The following TMCC2 variants were observed in gnomAD, a reference collection of about 807,000 sequenced individuals.
The protein encoded by TMCC2 is transmembrane and coiled-coil domains protein 2.
TMCC2 carries 16 observed loss-of-function variants against 49.4 expected under a neutral mutation model. That is an observed-to-expected ratio of 0.32 (90% confidence interval 0.22 to 0.49). The LOEUF (loss-of-function observed/expected upper bound fraction) is 0.49, where lower values mean the gene tolerates loss of function less well. TMCC2 is among the 20% of genes least tolerant of loss of function. TMCC2 has a pLI of 0.99. For synonymous variants in TMCC2, 397 were observed against 434.1 expected (o/e 0.91, Z 1.06); for missense variants, 762 against 989.8 (o/e 0.77, Z 3.09).
Position 205,269,690 on chromosome 1 carries a change from G to T in TMCC2, c.1488G>T (p.Gly496=). The T allele has an allele frequency of 6.2e-7, 1 of 1,614,082 alleles. No homozygotes were observed. Among genetic ancestry groups the T allele is most frequent in the Non-Finnish European group, 8.5e-7 (1 of 1,179,982 alleles). ...SAGAGSNSGA[G]PGGALGSPKS... is the part of the protein sequence containing the mutation. ...GGGCAGGCAGCAACTCTGGGGCTGG[G>T]CCTGGTGGGGCGCTGGGGAGCCCTA... The change falls in exon 3 of 5, where the codon GGG becomes GGT. Residue 496 remains glycine (G), a synonymous_variant. Coordinates refer to ENST00000358024, the MANE Select transcript of TMCC2 (RefSeq NM_014858.4).
intron 2 of TMCC2, among the ~76,000 whole-genome samples, chr1:205,266,172 C>T (rs1177277909): frequency 6.3e-5 from 9 of 143,988 alleles, no homozygotes; most frequent in Middle Eastern, 3.5e-3. Context: ...ACCCCGGAGG[C>T]GGAGCTTGCA....
chr1:205,241,755 A>G lies in TMCC2; in HGVS notation c.458A>G (p.Gln153Arg). ...ARPTAFNRVL[Q>R]QIRSRPSIKR... ...CCCACCGCCTTCAACCGCGTGCTGC[A>G]GCAGATCCGCTCCCGGCCCTCCATC... Residue 153 changes from glutamine (Q) to arginine (R), a missense_variant, in exon 2 of 5, where the codon CAG becomes CGG. This residue lies in a region of TMCC2 where 322 missense variants were observed against 353.1 expected (regional missense o/e 0.91). Transcript: ENST00000358024. The surrounding 1 kb of genome is among the most constrained non-coding windows in gnomAD (Gnocchi z 7.3). 6.2e-7 allele frequency: 1 copy of G among 1,612,532 alleles called. No homozygotes were observed. Among genetic ancestry groups the G allele is most frequent in the Non-Finnish European group, 8.5e-7 (1 of 1,179,884 alleles).
At chr1:205,266,372 C>T (rs1661331662) in intron 2 of TMCC2, among the ~76,000 whole-genome samples, 1 of 151,864 alleles carries the variant, frequency 6.6e-6, no homozygotes, top group Non-Finnish European at 1.5e-5. Context: ...GGGTGGATCC[C>T]CTGAGATGAG....
chr1:205,256,600 G>C (rs1161906048), intron 2 of TMCC2, among the ~76,000 whole-genome samples: 1 of 152,188 alleles, frequency 6.6e-6, no homozygotes, highest in African/African-American at 2.4e-5. Flanking sequence ...CTTCCTCCAG[G>C]TGGTTATTGG....
At chr1:205,239,972 GAAA>G (rs1026945243) in intron 1 of TMCC2, among the ~76,000 whole-genome samples, 1 of 143,364 alleles carries the variant, frequency 7.0e-6, no homozygotes, top group East Asian at 2.0e-4. Context: ...TGTTTCTAGG[GAAA>G]AAAAAAAAGA....
In TMCC2 at chr1:205,271,424, G is replaced by T. The variant is rs552468713; in HGVS notation, c.1818+169G>T. 27 of 1,119,986 alleles carry T rather than the reference G, an allele frequency of 2.4e-5. No homozygotes were observed. The African/African-American group carries it at 3.2e-4, about 13-fold the overall frequency. The allele number at this position is 1,119,986 out of a possible 1,614,324, so 69.4% of individuals were successfully genotyped here. On this transcript the variant is annotated intron_variant, in intron 4 of 4. Transcript: ENST00000358024. ...CAGCGTAGCGGGAGCGGAGTGGAGT[G>T]AGCAAGACAGGCCTGAGGCTGACAG... is the stretch of plus-strand genomic sequence containing the variant.
chr1:205,228,481 C>A lies in TMCC2; in HGVS notation c.-84C>A. ...CTTGTTAATAATTTAGACCCCAGGC[C>A]TCATATGAATATAAGAGGGGGTGCG... On this transcript the variant is annotated 5_prime_UTR_variant, in exon 1 of 5. Transcript: ENST00000358024. 1 of 1,204,748 alleles carries A rather than the reference C, an allele frequency of 8.3e-7. No homozygotes were observed. Among genetic ancestry groups the A allele is most frequent in the Non-Finnish European group, 1.2e-6 (1 of 855,338 alleles). 74.6% of individuals were successfully genotyped at this position (1,204,748 alleles called of 1,614,324 possible).
intron 1 of TMCC2, among the ~76,000 whole-genome samples, chr1:205,229,452 C>T (rs1370436409): frequency 1.4e-5 from 2 of 147,188 alleles, no homozygotes; most frequent in Non-Finnish European, 3.0e-5. Context: ...TTCCTAAGTG[C>T]TGGGATTACA....
At chr1:205,236,289 C>T (rs969304684) in intron 1 of TMCC2, among the ~76,000 whole-genome samples, 3 of 152,016 alleles carry the variant, frequency 2.0e-5, no homozygotes, top group Admixed American at 1.3e-4. Flanking sequence ...TCAATCTTGG[C>T]GGTTACTAAG....
chr1:205,258,423 C>CT (rs1427203879), intron 2 of TMCC2, among the ~76,000 whole-genome samples: 1 of 152,148 alleles, frequency 6.6e-6, no homozygotes, highest in Non-Finnish European at 1.5e-5. Flanking sequence ...CATTCAGTGT[C>CT]TGAGCACGTG....
chr1:205,266,297 A>G (rs551571874), intron 2 of TMCC2, among the ~76,000 whole-genome samples: 77 of 150,974 alleles, frequency 5.1e-4, no homozygotes, highest in Non-Finnish European at 8.0e-4. Flanking sequence ...TTGCCTATAA[A>G]ACATAATTTT....
Position 205,228,699 on chromosome 1 carries a change from C to A in TMCC2, c.135C>A (p.Gly45=). 6.2e-7 allele frequency: 1 copy of A among 1,612,212 alleles called. No individual in the cohort carries two copies. The highest frequency in any genetic ancestry group is 1.1e-5 in the South Asian group (1 of 91,036). The part of the protein sequence containing the change: ...PGETTGANSA[G]GPTSDAGAAA... ...AGACCACGGGTGCTAACTCTGCTGG[C>A]GGGCCAACTTCAGACGCCGGCGCTG... The change falls in exon 1 of 5, where the codon GGC becomes GGA. Residue 45 remains glycine, a synonymous_variant. Transcript: ENST00000358024.
Position 205,254,546 on chromosome 1 carries a change from C to CATCT in TMCC2, c.747+12503_747+12506dup, listed in dbSNP as rs371699279. Among the ~76,000 whole-genome samples, 16 of 152,320 alleles carry CATCT rather than the reference C, an allele frequency of 1.1e-4. No homozygotes were observed. In the East Asian group the frequency reaches 3.1e-3, roughly 29 times the overall value. On this transcript the variant is annotated intron_variant, in intron 2 of 4. Coordinates refer to ENST00000358024, the MANE Select transcript of TMCC2 (RefSeq NM_014858.4). ...CTCTGCTGCTAGCTTGCCTGGCAGA[C>CATCT]ATCTCCCTGGTTCTTGTTTGCTACT...
chr1:205,253,189 C>T (rs762589078), intron 2 of TMCC2, among the ~76,000 whole-genome samples: 21 of 148,890 alleles, frequency 1.4e-4, no homozygotes, highest in Admixed American at 8.1e-4. Flanking sequence ...GGGGAGAGAA[C>T]GGAAGAATAA....
At chr1:205,255,840 A>G (rs975162308) in intron 2 of TMCC2, among the ~76,000 whole-genome samples, 3 of 152,186 alleles carry the variant, frequency 2.0e-5, no homozygotes, top group African/African-American at 7.2e-5. Context: ...GCGAAAATAT[A>G]AAGTCAAGAT....
chr1:205,252,417 C>T (rs1558650444), intron 2 of TMCC2, among the ~76,000 whole-genome samples: 1 of 152,216 alleles, frequency 6.6e-6, no homozygotes, highest in Non-Finnish European at 1.5e-5. Flanking sequence ...GAAGCATGCC[C>T]ACCTGGGTTG....
intron 2 of TMCC2, among the ~76,000 whole-genome samples, chr1:205,250,365 A>T (rs1574847527): frequency 6.6e-6 from 1 of 151,894 alleles, no homozygotes; most frequent in Non-Finnish European, 1.5e-5. Context: ...ACATGAGGAA[A>T]CCCCGTCTCT....
intron 2 of TMCC2, among the ~76,000 whole-genome samples, chr1:205,261,644 A>C (rs968369450): frequency 4.0e-5 from 6 of 150,792 alleles, no homozygotes; most frequent in African/African-American, 1.5e-4. Context: ...ATGCCATTGC[A>C]CTCCAGTCTA....
intron 2 of TMCC2, among the ~76,000 whole-genome samples, chr1:205,258,854 C>T (rs555944018): frequency 6.6e-6 from 1 of 152,220 alleles, no homozygotes; most frequent in Non-Finnish European, 1.5e-5. Flanking sequence ...TCTGGTTGAC[C>T]TCCCCTTCCA....
Sources: gnomAD v4.1 joint callset for allele counts (sites outside exome capture counted in the v4.1 genomes callset) on GRCh38, gnomAD v4.1.1 for gene constraint, gnomAD v4.1.1 regional missense constraint, Gnocchi (gnomAD v3.1) non-coding constraint, MANE v1.5 for transcripts, NCBI Gene and HGNC (gene_info 2026-07-23, HGNC 2026-07-21) for gene names.